ZNF704: variants seen among roughly 807,000 people sequenced by gnomAD.
The protein encoded by ZNF704 is zinc finger protein 704.
Under a neutral mutation model 44.7 loss-of-function variants are expected in ZNF704, and 10 were observed. The observed-to-expected ratio is 0.22, with a 90% CI of 0.14 to 0.38. ZNF704 has a LOEUF of 0.38. ZNF704 is among the 10% of genes least tolerant of loss of function. ZNF704 has a pLI of 1.00. For missense variants in ZNF704, 390 were observed against 545.5 expected (o/e 0.71, Z 2.84); for synonymous variants, 211 against 207.6 (o/e 1.02, Z -0.14).
At chr8:80,654,854 G>A (rs999729979) in intron 7 of ZNF704, among the ~76,000 whole-genome samples, 1 of 152,058 alleles carries the variant, frequency 6.6e-6, no homozygotes, top group African/African-American at 2.4e-5. Context: ...TATACCCAAA[G>A]GAGTATAAAT....
intron 1 of ZNF704, among the ~76,000 whole-genome samples, chr8:80,854,161 G>A (rs747759836): frequency 7.2e-5 from 11 of 152,280 alleles, no homozygotes; most frequent in South Asian, 4.1e-4. Flanking sequence ...GGTAAACAGC[G>A]TTAAGGCACT....
intron 2 of ZNF704, among the ~76,000 whole-genome samples, chr8:80,777,770 G>A (rs1586020063): frequency 1.3e-5 from 2 of 151,694 alleles, no homozygotes; most frequent in African/African-American, 2.4e-5. Context: ...TCCCAGCTAC[G>A]CGGGAGGCTG....
intron 7 of ZNF704, among the ~76,000 whole-genome samples, chr8:80,648,739 C>T (rs1417308995): frequency 6.6e-6 from 1 of 152,128 alleles, no homozygotes; most frequent in Non-Finnish European, 1.5e-5. Flanking sequence ...CTATTTTAAT[C>T]TTCGCAACAA....
chr8:80,659,535 G>A (rs1364090914), intron 7 of ZNF704, 50 bp downstream of exon 7: 3 of 1,484,390 alleles, frequency 2.0e-6, no homozygotes, highest in South Asian at 2.3e-5. Context: ...GCTAAATTTA[G>A]TCTACATTGG....
At chr8:80,674,958 T>C (rs565304895) in intron 4 of ZNF704, among the ~76,000 whole-genome samples, 1 of 152,364 alleles carries the variant, frequency 6.6e-6, no homozygotes, top group East Asian at 1.9e-4. Flanking sequence ...ACTTTTTGAT[T>C]CATTCCTAAC....
chr8:80,707,967 T>A (rs575697843), intron 2 of ZNF704, among the ~76,000 whole-genome samples: 1 of 152,380 alleles, frequency 6.6e-6, no homozygotes, highest in South Asian at 2.1e-4. Context: ...GAAGCACCTA[T>A]GTTGCCGTCT....
chr8:80,725,469 C>A (rs750955157), intron 2 of ZNF704, among the ~76,000 whole-genome samples: 1 of 152,012 alleles, frequency 6.6e-6, no homozygotes, highest in Non-Finnish European at 1.5e-5. Context: ...GAATTAAGAA[C>A]AAGAAGAACA....
chr8:80,674,619 A>G (rs1328400326), intron 4 of ZNF704, among the ~76,000 whole-genome samples: 1 of 152,162 alleles, frequency 6.6e-6, no homozygotes, highest in East Asian at 1.9e-4. Context: ...TGAGACTCTC[A>G]TGCCATGTGA....
chr8:80,843,810 A>G (rs1262072476), intron 1 of ZNF704, among the ~76,000 whole-genome samples: 1 of 152,106 alleles, frequency 6.6e-6, no homozygotes, highest in Non-Finnish European at 1.5e-5. Context: ...TTTTCCCCAG[A>G]GATAATAAGG....
At chr8:80,798,565 T>C (rs945446625) in intron 2 of ZNF704, among the ~76,000 whole-genome samples, 5 of 152,176 alleles carry the variant, frequency 3.3e-5, no homozygotes, top group Admixed American at 1.3e-4. Context: ...CTGGTGTCCA[T>C]ATTTCTATCA....
chr8:80,870,871 T>G (rs923495221), intron 1 of ZNF704, among the ~76,000 whole-genome samples: 1 of 152,152 alleles, frequency 6.6e-6, no homozygotes, highest in African/African-American at 2.4e-5. Flanking sequence ...CTCCACCTGG[T>G]TGTCCAATAG....
intron 2 of ZNF704, among the ~76,000 whole-genome samples, chr8:80,703,326 C>A (rs1818841838): frequency 6.6e-6 from 1 of 152,140 alleles, no homozygotes; most frequent in African/African-American, 2.4e-5. Flanking sequence ...CTCCTGGAAG[C>A]CGCCTTCCAC....
At chr8:80,783,197 T>C (rs1286362172) in intron 2 of ZNF704, among the ~76,000 whole-genome samples, 5 of 152,156 alleles carry the variant, frequency 3.3e-5, no homozygotes, top group African/African-American at 4.8e-5. Context: ...AAGCAAACAT[T>C]TGCCTTGCCT....
At chr8:80,783,326 T>C (rs1807560922) in intron 2 of ZNF704, among the ~76,000 whole-genome samples, 1 of 152,192 alleles carries the variant, frequency 6.6e-6, no homozygotes, top group Non-Finnish European at 1.5e-5. Context: ...TCTTTTTATT[T>C]TTCCCCCAGC....
chr8:80,781,379 CAAAT>C (rs1214445205), intron 2 of ZNF704, among the ~76,000 whole-genome samples: 1 of 152,142 alleles, frequency 6.6e-6, no homozygotes. Flanking sequence ...AATACATAAA[CAAAT>C]AAGCATGACT....
chr8:80,763,367 G>A (rs1014543220), intron 2 of ZNF704, among the ~76,000 whole-genome samples: 3 of 152,212 alleles, frequency 2.0e-5, no homozygotes, highest in African/African-American at 7.2e-5. Flanking sequence ...TCTAGGTGGA[G>A]GTTCTCAAAC....
chr8:80,687,358 C>T lies in ZNF704; in HGVS notation c.426G>A (p.Pro142=), dbSNP rs781711540. 1.1e-5 allele frequency: 18 copies of T among 1,608,608 alleles called. No individual in the cohort carries two copies. Among genetic ancestry groups the T allele is most frequent in the African/African-American group, 2.7e-5 (2 of 74,940 alleles). The change falls in exon 4 of 9, where the codon CCG becomes CCA. Residue 142 remains proline (P), a synonymous_variant. Coordinates refer to ENST00000327835, the MANE Select transcript of ZNF704 (RefSeq NM_001033723.3). ...CCGAGAGCGGCGGCGACGGCGTGGACGGGTTGGACTGGTCGCTGGGGGCGC... is the reference window on the plus strand; with the variant it reads ...CCGAGAGCGGCGGCGACGGCGTGGATGGGTTGGACTGGTCGCTGGGGGCGC... ...SWSAPSDQSN[P]STPSPPLSAD...
chr8:80,847,790 CAT>C (rs1401300780), intron 1 of ZNF704, among the ~76,000 whole-genome samples: 4 of 152,194 alleles, frequency 2.6e-5, no homozygotes, highest in Admixed American at 6.5e-5. Context: ...CGAAACCTCA[CAT>C]GTTCTACAAA....
chr8:80,877,057 T>G (rs916671420), upstream of ZNF704, among the ~76,000 whole-genome samples: 1 of 152,090 alleles, frequency 6.6e-6, no homozygotes, highest in Non-Finnish European at 1.5e-5. Context: ...GATACACTAT[T>G]GTACATTCTT....
Sources: gnomAD v4.1 joint callset for allele counts (sites outside exome capture counted in the v4.1 genomes callset) on GRCh38, gnomAD v4.1.1 for gene constraint, MANE v1.5 for transcripts, NCBI Gene and HGNC (gene_info 2026-07-23, HGNC 2026-07-21) for gene names.